Variants in CDKL5 observed in about 807,000 individuals in gnomAD.
The protein encoded by CDKL5 is cyclin dependent kinase like 5, also known as cyclin-dependent kinase-like 5.
In CDKL5, 8 loss-of-function variants were observed where a neutral mutation model predicts 61.7. The ratio of observed to expected loss-of-function variants is 0.13; its 90% CI spans 0.08 to 0.23. CDKL5 has a LOEUF of 0.23. CDKL5 is among the 10% of genes least tolerant of loss of function. The pLI is 1.00. For synonymous variants in CDKL5, 275 were observed against 272.3 expected (o/e 1.01, Z -0.10); for missense variants, 440 against 734.5 (o/e 0.60, Z 4.63).
Position 18,604,307 on chromosome X carries a change from T to C in CDKL5, c.1383T>C (p.Asn461=), listed in dbSNP as rs1926277124. 2 of 1,209,445 alleles carry C rather than the reference T, an allele frequency of 1.7e-6. No individual in the cohort carries two copies. The highest frequency in any genetic ancestry group is 1.8e-5 in the South Asian group (1 of 56,780). ...GCAAAGCTGGGACACTGCAGCCCAA[T>C]GAAAAGCAGAGTCGGCATAGCTATA... ...SQSKAGTLQP[N]EKQSRHSYID... The change falls in exon 12 of 18, where the codon AAT becomes AAC. Residue 461 remains asparagine (N), a synonymous_variant. Coordinates refer to ENST00000623535, the MANE Select transcript of CDKL5 (RefSeq NM_001323289.2).
chrX:18,642,500 A>G (rs1927620525), downstream of CDKL5, among the ~76,000 whole-genome samples: 1 of 112,169 alleles, frequency 8.9e-6, no homozygotes, highest in African/African-American at 3.2e-5. Flanking sequence ...CCATCACAGA[A>G]AGTTCTATTG....
chrX:18,568,068 C>A (rs886697156), intron 4 of CDKL5, among the ~76,000 whole-genome samples: 11 of 111,657 alleles, frequency 9.9e-5, no homozygotes, highest in Admixed American at 1.9e-4. Context: ...AAGTGAAAAC[C>A]AGAATGATTT....
At chrX:18,476,003 G>A (rs1343109236) in intron 1 of CDKL5, among the ~76,000 whole-genome samples, 1 of 111,584 alleles carries the variant, frequency 9.0e-6, no homozygotes, top group Non-Finnish European at 1.9e-5. Flanking sequence ...ATCAGACCTT[G>A]AAATCAGGGT....
At position 18,651,264 on chromosome X, in the gene CDKL5, T is replaced by TGTGAGA. The variant is rs1491242962; in HGVS notation, c.2980+673_2980+674insTGAGAG. Among the ~76,000 whole-genome samples the TGTGAGA allele has an allele frequency of 5.2e-3, 362 of 68,989 alleles. 1 individual carries two copies. Among genetic ancestry groups the TGTGAGA allele is most frequent in the Middle Eastern group, 0.04 (5 of 125 alleles). 59.9% of individuals were successfully genotyped at this position (68,989 alleles called of 115,157 possible). A position where few individuals can be genotyped will look rare whatever the true frequency, so the allele number is the denominator to read the frequency against. Reference sequence around the variant, plus strand: ...GTGTGTGTGTGTGTGTGTGTGTGTGTGAGAGAGAGAGAGAGAGAGAGAGAC... The same window carrying TGTGAGA: ...GTGTGTGTGTGTGTGTGTGTGTGTGTGTGAGAGAGAGAGAGAGAGAGAGAGAGAGAC... On this transcript the variant is annotated intron_variant, in intron 21 of 21. Coordinates refer to the CDKL5 transcript ENST00000379989.
chrX:18,500,999 CG>C (rs1315337752), intron 1 of CDKL5, among the ~76,000 whole-genome samples: 1 of 110,567 alleles, frequency 9.0e-6, no homozygotes, highest in African/African-American at 3.3e-5. Flanking sequence ...CCATCACACC[CG>C]GCTAATTTTT....
chrX:18,592,357 A>T (rs1925856711), intron 9 of CDKL5, among the ~76,000 whole-genome samples: 1 of 112,720 alleles, frequency 8.9e-6, no homozygotes, highest in Non-Finnish European at 1.9e-5. Flanking sequence ...GAAAGTTAGA[A>T]ATCATCATTG....
At chrX:18,612,173 G>A (rs867037108) in intron 14 of CDKL5, among the ~76,000 whole-genome samples, 19 of 111,785 alleles carry the variant, frequency 1.7e-4, no homozygotes, top group Middle Eastern at 4.6e-3. Context: ...CTAAATTTCT[G>A]TGTAATTTTG....
intron 1 of CDKL5, among the ~76,000 whole-genome samples, chrX:18,503,219 T>C (rs1922451415): frequency 8.9e-6 from 1 of 112,776 alleles, no homozygotes; most frequent in Admixed American, 9.4e-5. Context: ...GGTCTGGCTC[T>C]ATTGTCCAGG....
At chrX:18,495,978 A>G (rs986605731) in intron 1 of CDKL5, among the ~76,000 whole-genome samples, 1 of 112,539 alleles carries the variant, frequency 8.9e-6, no homozygotes, top group Non-Finnish European at 1.9e-5. Context: ...GTTCACCGCT[A>G]TATCCTGAAG....
chrX:18,583,114 G>C (rs1925533967), intron 7 of CDKL5, among the ~76,000 whole-genome samples: 1 of 111,837 alleles, frequency 8.9e-6, no homozygotes, highest in African/African-American at 3.3e-5. Flanking sequence ...GTCCGTGATT[G>C]TGATTACTAC....
At chrX:18,625,013 A>G in intron 16 of CDKL5, 115 bp from the exon 17 acceptor site, 1 of 660,582 alleles carries the variant, frequency 1.5e-6, no homozygotes, top group Non-Finnish European at 2.5e-6. Flanking sequence ...TTACTGGGTT[A>G]TTTGAGTTTT....
intron 5 of CDKL5, among the ~76,000 whole-genome samples, chrX:18,578,040 C>G (rs999230955): frequency 9.8e-5 from 11 of 111,980 alleles, no homozygotes; most frequent in Non-Finnish European, 2.1e-4. Context: ...TCTGATTGGT[C>G]TTTTTTACAT....
rs1033729362 is a variant in CDKL5 at position 18,630,126 on chromosome X, C to T, written c.*1369C>T. 6.7e-6 allele frequency: 5 copies of T among 751,634 alleles called. No individual in the cohort carries two copies. In the African/African-American group the frequency reaches 1.2e-4, roughly 17 times the overall value. 61.9% of individuals were successfully genotyped at this position (751,634 alleles called of 1,213,427 possible). A position where few individuals can be genotyped will look rare whatever the true frequency, so the allele number is the denominator to read the frequency against. The stretch of plus-strand genomic sequence containing the variant: ...GCAATTCCAGATAGATAAAAAATTA[C>T]TCTATCCATTTTTTTCTTCCTGGGG... On this transcript the variant is annotated 3_prime_UTR_variant, in exon 18 of 18. Transcript: ENST00000623535.
Position 18,604,770 on chromosome X carries a change from A to T in CDKL5, c.1846A>T (p.Thr616Ser). 8.3e-7 allele frequency: 1 copy of T among 1,211,515 alleles called. No homozygotes were observed. Among genetic ancestry groups the T allele is most frequent in the Non-Finnish European group, 1.1e-6 (1 of 895,390 alleles). ...TCCTCATAGGCATTCTATGTATGTG[A>T]CCCGTGACAAAGTGAGAGCCAAGGG... is the stretch of plus-strand genomic sequence containing the variant. ...QRPHRHSMYV[T>S]RDKVRAKGLD... is the part of the protein sequence containing the mutation. The change falls in exon 12 of 18, where the codon ACC (threonine) becomes TCC (serine). Residue 616 changes from threonine to serine, a missense_variant. Thr to Ser is a moderately conservative substitution (Grantham distance 58). Transcript: ENST00000623535.
At chrX:18,523,212 T>C (rs779693668) in intron 3 of CDKL5, among the ~76,000 whole-genome samples, 40 of 111,911 alleles carry the variant, frequency 3.6e-4, no homozygotes, top group Middle Eastern at 4.6e-3. Context: ...TAACCATCAC[T>C]ACTATGTATT....
At chrX:18,572,261 C>T (rs1347567969) in intron 4 of CDKL5, among the ~76,000 whole-genome samples, 1 of 111,467 alleles carries the variant, frequency 9.0e-6, no homozygotes, top group Non-Finnish European at 1.9e-5. Flanking sequence ...CCTAGTTAGT[C>T]CTGGTCCACT....
rs1240612146 is a variant in CDKL5, at chrX:18,460,290, C to T, written c.-163+34595C>T. On this transcript the variant is annotated intron_variant, in intron 1 of 17. Transcript: ENST00000623535. ...GGGTGCCGTAGGGGGGACCGTACTA[C>T]ACACTTTTAAACAACCAGGTCTTTT... Among the ~76,000 whole-genome samples the T allele has an allele frequency of 2.8e-4, 31 of 110,516 alleles. No individual in the cohort carries two copies. The Admixed American group carries it at 3.0e-3, about 11-fold the overall frequency.
chrX:18,432,029 C>T (rs1278279390), intron 1 of CDKL5, among the ~76,000 whole-genome samples: 1 of 109,925 alleles, frequency 9.1e-6, no homozygotes, highest in Non-Finnish European at 1.9e-5. Context: ...CCACCTCAGC[C>T]TCTTGAGTAG....
chrX:18,442,655 G>A (rs1349622957), intron 1 of CDKL5, among the ~76,000 whole-genome samples: 3 of 110,571 alleles, frequency 2.7e-5, no homozygotes, highest in Non-Finnish European at 5.7e-5. Context: ...CTCCACGCCC[G>A]GCTACTTTTT....
Sources: gnomAD v4.1 joint callset for allele counts (sites outside exome capture counted in the v4.1 genomes callset) on GRCh38, gnomAD v4.1.1 for gene constraint, MANE v1.5 for transcripts, NCBI Gene and HGNC (gene_info 2026-07-23, HGNC 2026-07-21) for gene names.